NEBL: variants seen among roughly 807,000 people sequenced by gnomAD.
The protein encoded by NEBL is nebulette.
Under a neutral mutation model 140.2 loss-of-function variants are expected in NEBL, and 122 were observed. The observed-to-expected ratio is 0.87, with a 90% CI of 0.75 to 1.01. The LOEUF (loss-of-function observed/expected upper bound fraction) is 1.01. Among genes scored for constraint, NEBL ranks in the 50% least tolerant of loss-of-function variants. NEBL has a pLI of 0.00. For missense variants in NEBL, 1,365 were observed against 1,231.3 expected, an observed-to-expected ratio of 1.11 and a Z score of -1.62; for synonymous variants, 436 against 398.9, an observed-to-expected ratio of 1.09 and a Z score of -1.11.
chr10:21,169,024 GC>G (rs1229384443), intron 2 of NEBL, among the ~76,000 whole-genome samples: 12 of 125,230 alleles, frequency 9.6e-5, no homozygotes, highest in African/African-American at 3.4e-4. Context: ...ACTCCAGCCT[GC>G]GCTACAGAGT....
intron 20 of NEBL, 149 bp from the exon 21 acceptor site, chr10:20,817,841 C>T: frequency 1.4e-6 from 1 of 705,802 alleles, no homozygotes. Flanking sequence ...TATACGCCCA[C>T]ATTCCGATGG....
At chr10:20,866,628 C>T (rs1225069441) in intron 7 of NEBL, among the ~76,000 whole-genome samples, 3 of 152,094 alleles carry the variant, frequency 2.0e-5, no homozygotes, top group Non-Finnish European at 4.4e-5. Flanking sequence ...TTGGGGCCTT[C>T]CCCTTGAGTA....
Position 21,120,393 on chromosome 10 carries a change from CATAT to C in NEBL, c.164+51986_164+51989del, listed in dbSNP as rs1201775144. On this transcript the variant is annotated intron_variant, in intron 2 of 6. Coordinates refer to the NEBL transcript ENST00000417816. ...GTGTCTCAAAAAAAAAAAAAAAATA[CATAT>C]ATATATATATATATATATATATATA... Among the ~76,000 whole-genome samples, 20 of 59,510 alleles carry C rather than the reference CATAT, an allele frequency of 3.4e-4. No individual in the cohort carries two copies. The South Asian group carries it at 4.5e-3, about 13-fold the overall frequency. The allele number at this position is 59,510 out of a possible 152,430, so 39.0% of individuals were successfully genotyped here.
chr10:20,825,535 T>C (rs933243963), intron 18 of NEBL, among the ~76,000 whole-genome samples: 1 of 151,662 alleles, frequency 6.6e-6, no homozygotes, highest in Non-Finnish European at 1.5e-5. Context: ...GGTGTGGTGG[T>C]GTGTGCCTGT....
intron 1 of NEBL, among the ~76,000 whole-genome samples, chr10:21,271,614 C>A (rs1057246641): frequency 2.6e-5 from 4 of 151,658 alleles, no homozygotes; most frequent in Admixed American, 6.6e-5. Context: ...CAACCTCCAC[C>A]TCCCAGGTTC....
chr10:20,934,099 C>T (rs1834346141), intron 4 of NEBL, among the ~76,000 whole-genome samples: 2 of 152,112 alleles, frequency 1.3e-5, no homozygotes, highest in South Asian at 4.1e-4. Context: ...GAAATGATTG[C>T]AAGTTCTCAC....
intron 4 of NEBL, among the ~76,000 whole-genome samples, chr10:20,926,913 G>T (rs1246766084): frequency 6.6e-6 from 1 of 152,218 alleles, no homozygotes; most frequent in Non-Finnish European, 1.5e-5. Flanking sequence ...ACCTAAAAAT[G>T]CATAGATGAA....
intron 4 of NEBL, among the ~76,000 whole-genome samples, chr10:20,959,285 G>T (rs1407623251): frequency 6.6e-6 from 1 of 152,016 alleles, no homozygotes; most frequent in Non-Finnish European, 1.5e-5. Context: ...TAATTTTCAG[G>T]ATCTATAATT....
chr10:20,985,264 A>G (rs1837211616), intron 3 of NEBL, among the ~76,000 whole-genome samples: 1 of 152,128 alleles, frequency 6.6e-6, no homozygotes, highest in African/African-American at 2.4e-5. Context: ...AATGCCCCAC[A>G]TCTGTAATGC....
intron 2 of NEBL, among the ~76,000 whole-genome samples, chr10:21,111,209 T>C (rs1238138061): frequency 1.3e-5 from 2 of 152,190 alleles, no homozygotes; most frequent in Non-Finnish European, 1.5e-5. Flanking sequence ...CAGCAAGCTA[T>C]CACTGACTTT....
chr10:21,230,625 G>A (rs1842234979), intron 3 of NEBL, among the ~76,000 whole-genome samples: 1 of 137,714 alleles, frequency 7.3e-6, no homozygotes, highest in Non-Finnish European at 1.5e-5. Flanking sequence ...TTTTTTTTGA[G>A]ACAGGGGCTC....
chr10:21,272,483 C>T (rs1306356718), intron 1 of NEBL, among the ~76,000 whole-genome samples: 3 of 151,990 alleles, frequency 2.0e-5, no homozygotes, highest in Non-Finnish European at 1.5e-5. Context: ...CAGCTACTCA[C>T]GAGGCTGAGG....
intron 2 of NEBL, among the ~76,000 whole-genome samples, chr10:21,047,655 G>A (rs957839169): frequency 6.6e-6 from 1 of 152,080 alleles, no homozygotes; most frequent in African/African-American, 2.4e-5. Context: ...AAATGTGCAG[G>A]AGGTTTATGA....
At chr10:20,920,919 G>A (rs193062286) in intron 4 of NEBL, among the ~76,000 whole-genome samples, 1 of 151,906 alleles carries the variant, frequency 6.6e-6, no homozygotes, top group Non-Finnish European at 1.5e-5. Context: ...GTATGATTAG[G>A]TCCATTTATT....
intron 3 of NEBL, among the ~76,000 whole-genome samples, chr10:21,191,717 G>A (rs79788872): frequency 0.057 from 8,728 of 152,222 alleles, 807 homozygotes; most frequent in African/African-American, 0.2. Flanking sequence ...CAATATTGTT[G>A]CTTTTAGCTG....
At chr10:21,097,818 T>C (rs974450230) in intron 2 of NEBL, among the ~76,000 whole-genome samples, 5 of 152,182 alleles carry the variant, frequency 3.3e-5, no homozygotes, top group Non-Finnish European at 7.3e-5. Context: ...GCCCAATAAA[T>C]GAAGACATTG....
At chr10:21,093,874 T>C (rs1415503753) in intron 2 of NEBL, among the ~76,000 whole-genome samples, 2 of 152,258 alleles carry the variant, frequency 1.3e-5, no homozygotes, top group African/African-American at 4.8e-5. Flanking sequence ...GATCCATGAA[T>C]CACACAAAGT....
In NEBL at chr10:20,998,533, T is replaced by C. The variant is rs529771632; in HGVS notation, c.249+21584A>G. Among the ~76,000 whole-genome samples the C allele has an allele frequency of 7.9e-5, 12 of 152,234 alleles. No homozygotes were observed. In the East Asian group the frequency reaches 2.1e-3, roughly 27 times the overall value. On this transcript the variant is annotated intron_variant, in intron 3 of 6. Coordinates refer to the NEBL transcript ENST00000417816. ...ATAGGCATTTAGAAACCATGGCTCC[T>C]GGCTGCTTCAAGAAATGTGCAGATA...
Position 21,074,645 on chromosome 10 carries a change from T to C in NEBL, c.165-54444A>G, listed in dbSNP as rs548218250. On this transcript the variant is annotated intron_variant, in intron 2 of 6. Transcript: ENST00000417816. ...GGTGCACACCACCAAGCTCGGCTAATTTTTTTGTACTTTCAGTAGAGACGG... is the reference window on the plus strand; with the variant it reads ...GGTGCACACCACCAAGCTCGGCTAACTTTTTTGTACTTTCAGTAGAGACGG... Among the ~76,000 whole-genome samples, 3 of 152,014 alleles carry C rather than the reference T, an allele frequency of 2.0e-5. No individual in the cohort carries two copies. The East Asian group carries it at 5.8e-4, about 30-fold the overall frequency.
Sources: allele counts gnomAD v4.1 joint callset (sites outside exome capture counted in the v4.1 genomes callset), GRCh38; gene constraint gnomAD v4.1.1; transcripts MANE v1.5; gene names NCBI Gene and HGNC (gene_info 2026-07-23, HGNC 2026-07-21).